PPP6C: variants seen among roughly 807,000 people sequenced by gnomAD.
PPP6C encodes the protein protein phosphatase 6 catalytic subunit.
PPP6C carries 11 observed loss-of-function variants against 39.8 expected under a neutral mutation model. That is an observed-to-expected ratio of 0.28 (90% CI 0.17 to 0.46). PPP6C has a LOEUF of 0.46. Among genes scored for constraint, PPP6C ranks in the 20% least tolerant of loss-of-function variants. PPP6C has a pLI of 1.00. For missense variants in PPP6C, 211 were observed against 373.9 expected (o/e 0.56, Z 3.59); for synonymous variants, 129 against 130.3 (o/e 0.99, Z 0.07).
intron 6 of PPP6C, chr9:125,150,814 T>A: frequency 1.3e-6 from 1 of 745,248 alleles, no homozygotes; most frequent in Admixed American, 1.8e-5. Flanking sequence ...GTCTACATCA[T>A]TCAGAGTGGT....
At chr9:125,160,966 A>G in intron 2 of PPP6C, 60 bp from the exon 3 acceptor site, 1 of 1,206,914 alleles carries the variant, frequency 8.3e-7, no homozygotes, top group Non-Finnish European at 1.2e-6. Flanking sequence ...AAAGCAACAA[A>G]ACTGAGAGTG....
At chr9:125,187,553 A>G (rs887602690) in intron 1 of PPP6C, among the ~76,000 whole-genome samples, 2 of 151,894 alleles carry the variant, frequency 1.3e-5, no homozygotes, top group Non-Finnish European at 2.9e-5. Context: ...CCAAGTACTG[A>G]GATTACGCCA....
chr9:125,161,594 C>A (rs181834878), intron 2 of PPP6C, among the ~76,000 whole-genome samples: 4 of 152,146 alleles, frequency 2.6e-5, no homozygotes, highest in Non-Finnish European at 5.9e-5. Context: ...CAGTTACACA[C>A]CACCATGCCC....
At chr9:125,150,782 CAA>C (rs1013406153) in intron 6 of PPP6C, 26 of 718,582 alleles carry the variant, frequency 3.6e-5, no homozygotes, top group Admixed American at 1.1e-4. Context: ...TGGAAATTGG[CAA>C]AAGTGTACGT....
chr9:125,188,656 C>T (rs557261754), intron 1 of PPP6C, among the ~76,000 whole-genome samples: 67 of 151,910 alleles, frequency 4.4e-4, no homozygotes, highest in Middle Eastern at 6.8e-3. Flanking sequence ...TCGTGACGGG[C>T]GCCTGTAATT....
Position 125,149,555 on chromosome 9 carries a change from G to T in PPP6C, c.*118C>A. The T allele has an allele frequency of 8.6e-7, 1 of 1,169,096 alleles. No individual in the cohort carries two copies. The highest frequency in any genetic ancestry group is 1.2e-6 in the Non-Finnish European group (1 of 849,604). The allele number at this position is 1,169,096 out of a possible 1,614,324, so 72.4% of individuals were successfully genotyped here. A position where few individuals can be genotyped will look rare whatever the true frequency, so the allele number is the denominator to read the frequency against. The stretch of plus-strand genomic sequence containing the variant: ...TAATTTAAAATTTAAAAAAAAAAAG[G>T]CAAGAGGCAGCATTTCAGCAGCAAA... On this transcript the variant is annotated 3_prime_UTR_variant, in exon 7 of 7. Coordinates refer to ENST00000373547, the MANE Select transcript of PPP6C (RefSeq NM_002721.5).
intron 1 of PPP6C, among the ~76,000 whole-genome samples, chr9:125,178,990 A>G (rs1021241156): frequency 1.3e-5 from 2 of 152,102 alleles, no homozygotes; most frequent in African/African-American, 2.4e-5. Flanking sequence ...CGAGGAGGTC[A>G]GATCACCTGA....
At chr9:125,168,434 T>G (rs778807137) in intron 2 of PPP6C, among the ~76,000 whole-genome samples, 5 of 152,140 alleles carry the variant, frequency 3.3e-5, no homozygotes, top group African/African-American at 7.2e-5. Context: ...GAGGCTCAAA[T>G]CCCATGTTTC....
chr9:125,150,060 A>C, intron 6 of PPP6C, 139 bp from the exon 7 acceptor site: 3 of 1,186,530 alleles, frequency 2.5e-6, no homozygotes, highest in Non-Finnish European at 3.4e-6. Context: ...ATCTCCAACA[A>C]TTTAATAAGT....
At chr9:125,150,659 C>A (rs1380719209) in intron 6 of PPP6C, 4 of 965,362 alleles carry the variant, frequency 4.1e-6, no homozygotes, top group Non-Finnish European at 6.2e-6. Flanking sequence ...TCCTGAATAT[C>A]AAAATCTTCA....
intron 1 of PPP6C, among the ~76,000 whole-genome samples, chr9:125,178,381 CTT>C (rs1343279430): frequency 6.6e-6 from 1 of 152,120 alleles, no homozygotes; most frequent in Non-Finnish European, 1.5e-5. Flanking sequence ...GGTTGTTTCA[CTT>C]TGCATTTCCC....
At chr9:125,186,991 G>GGC (rs1445692184) in intron 1 of PPP6C, among the ~76,000 whole-genome samples, 1 of 123,252 alleles carries the variant, frequency 8.1e-6, no homozygotes, top group Non-Finnish European at 1.6e-5. Context: ...CTGTCACCCA[G>GGC]GCTGGACTGC....
chr9:125,155,140 A>G (rs900094699), intron 4 of PPP6C, among the ~76,000 whole-genome samples: 1 of 152,108 alleles, frequency 6.6e-6, no homozygotes, highest in East Asian at 1.9e-4. Flanking sequence ...TCCTGAGCTC[A>G]AGCAATCCTC....
intron 1 of PPP6C, among the ~76,000 whole-genome samples, chr9:125,181,767 G>C (rs1313435043): frequency 6.6e-6 from 1 of 152,188 alleles, no homozygotes; most frequent in African/African-American, 2.4e-5. Context: ...AAACATGCAA[G>C]TGCATGCATC....
Position 125,158,230 on chromosome 9 carries a change from G to A in PPP6C, c.379+11C>T. On this transcript the variant is annotated intron_variant, in intron 4 of 6. Coordinates refer to ENST00000373547, the MANE Select transcript of PPP6C (RefSeq NM_002721.5). ...AATAATATTCAGAATCAGAGAAATA[G>A]GAATTCTTACCATAAAATCCATAGA... 6.3e-7 allele frequency: 1 copy of A among 1,588,820 alleles called. No individual in the cohort carries two copies. The highest frequency in any genetic ancestry group is 1.1e-5 in the South Asian group (1 of 88,588).
chr9:125,149,967 A>T, intron 6 of PPP6C, 46 bp from the exon 7 acceptor site: 1 of 1,582,718 alleles, frequency 6.3e-7, no homozygotes, highest in Non-Finnish European at 8.6e-7. Flanking sequence ...TTAAAAAACA[A>T]TCGGCCTACA....
intron 2 of PPP6C, among the ~76,000 whole-genome samples, chr9:125,165,192 T>C (rs999269134): frequency 3.3e-5 from 5 of 152,118 alleles, no homozygotes; most frequent in African/African-American, 1.2e-4. Flanking sequence ...TTTACCATAT[T>C]AGAGATTAAA....
chr9:125,173,106 CT>C (rs1179871969), intron 1 of PPP6C, among the ~76,000 whole-genome samples: 1 of 151,864 alleles, frequency 6.6e-6, no homozygotes, highest in Non-Finnish European at 1.5e-5. Context: ...GCAAAACCCC[CT>C]ATCTCTACTA....
At chr9:125,162,357 C>T (rs2131313024) in intron 2 of PPP6C, among the ~76,000 whole-genome samples, 1 of 147,646 alleles carries the variant, frequency 6.8e-6, no homozygotes, top group East Asian at 2.1e-4. Context: ...ACCTGGGAGG[C>T]TGAGGCACAA....
Sources: gnomAD v4.1 joint callset for allele counts (sites outside exome capture counted in the v4.1 genomes callset) on GRCh38, gnomAD v4.1.1 for gene constraint, MANE v1.5 for transcripts, NCBI Gene and HGNC (gene_info 2026-07-23, HGNC 2026-07-21) for gene names.